PPP3CA: variants seen among roughly 807,000 people sequenced by gnomAD.
PPP3CA encodes protein phosphatase 3 catalytic subunit alpha, also known as CAM-PRP catalytic subunit.
A neutral mutation model predicts 66.5 loss-of-function variants in PPP3CA; 14 were observed. The observed-to-expected ratio is 0.21, with a 90% confidence interval of 0.14 to 0.33. The LOEUF is 0.33. PPP3CA is among the 10% of genes least tolerant of loss of function. The pLI, the probability that PPP3CA is intolerant of heterozygous loss-of-function variation, is 1.00. For missense variants in PPP3CA, 317 were observed against 639.5 expected, an observed-to-expected ratio of 0.50 and a Z score of 5.44; for synonymous variants, 232 against 226.2, an observed-to-expected ratio of 1.03 and a Z score of -0.23.
At chr4:101,339,728 G>A (rs1383982851) in intron 1 of PPP3CA, among the ~76,000 whole-genome samples, 1 of 152,154 alleles carries the variant, frequency 6.6e-6, no homozygotes, top group Non-Finnish European at 1.5e-5. Flanking sequence ...TAATAAGCAA[G>A]GCATTGAGCT....
intron 3 of PPP3CA, among the ~76,000 whole-genome samples, chr4:101,108,515 C>T (rs1331756456): frequency 6.6e-6 from 1 of 152,138 alleles, no homozygotes; most frequent in Non-Finnish European, 1.5e-5. Context: ...CCTGTAATCC[C>T]AACACTTTGG....
chr4:101,230,933 C>T (rs1195918700), intron 1 of PPP3CA, among the ~76,000 whole-genome samples: 2 of 151,700 alleles, frequency 1.3e-5, no homozygotes, highest in East Asian at 3.9e-4. Context: ...TTTCCCTCCT[C>T]ATCTAGGAAA....
intron 10 of PPP3CA, among the ~76,000 whole-genome samples, chr4:101,055,711 A>C (rs924366606): frequency 3.3e-5 from 5 of 152,070 alleles, no homozygotes; most frequent in Non-Finnish European, 5.9e-5. Flanking sequence ...GATACACCTA[A>C]ATTTTTTACA....
At chr4:101,247,554 G>T (rs1289595897) in intron 1 of PPP3CA, among the ~76,000 whole-genome samples, 1 of 152,070 alleles carries the variant, frequency 6.6e-6, no homozygotes, top group African/African-American at 2.4e-5. Flanking sequence ...AACACAGTAT[G>T]AGCATCATTT....
intron 1 of PPP3CA, among the ~76,000 whole-genome samples, chr4:101,268,732 T>A (rs1727243674): frequency 6.6e-6 from 1 of 152,132 alleles, no homozygotes; most frequent in African/African-American, 2.4e-5. Flanking sequence ...TAGTCATATA[T>A]ACAAGTAACA....
intron 2 of PPP3CA, among the ~76,000 whole-genome samples, chr4:101,149,154 A>C (rs1274020484): frequency 6.6e-6 from 1 of 152,172 alleles, no homozygotes; most frequent in African/African-American, 2.4e-5. Context: ...AACTCTAAAG[A>C]AGTTGCTTAT....
intron 1 of PPP3CA, among the ~76,000 whole-genome samples, chr4:101,218,837 C>A (rs1196722022): frequency 6.6e-6 from 1 of 151,964 alleles, no homozygotes; most frequent in Non-Finnish European, 1.5e-5. Context: ...TACAGAAATA[C>A]ACATTTTCAA....
chr4:101,238,192 T>C (rs1560674432), intron 1 of PPP3CA, among the ~76,000 whole-genome samples: 1 of 152,036 alleles, frequency 6.6e-6, no homozygotes. Context: ...AAGACAACAG[T>C]AAAATTGATT....
chr4:101,299,338 T>G (rs1361506197), intron 1 of PPP3CA, among the ~76,000 whole-genome samples: 1 of 151,638 alleles, frequency 6.6e-6, no homozygotes, highest in African/African-American at 2.4e-5. Context: ...GAAAAAACAC[T>G]GAAGACTTAG....
intron 1 of PPP3CA, among the ~76,000 whole-genome samples, chr4:101,217,650 G>T (rs999256280): frequency 6.6e-6 from 1 of 152,050 alleles, no homozygotes; most frequent in Non-Finnish European, 1.5e-5. Context: ...TCTTCAAATC[G>T]CTTTGCGTTT....
rs55925064 is a variant in PPP3CA, at chr4:101,204,635, CAAAAAAAAA to C, written c.59-8528_59-8520del. Among the ~76,000 whole-genome samples, 155 of 107,794 alleles carry C rather than the reference CAAAAAAAAA, an allele frequency of 1.4e-3. 1 individual carries two copies. The highest frequency in any genetic ancestry group is 1.9e-3 in the African/African-American group (45 of 23,984). The allele number at this position is 107,794 out of a possible 152,430, so 70.7% of individuals were successfully genotyped here. On this transcript the variant is annotated intron_variant, in intron 1 of 13. Coordinates refer to ENST00000394854, the MANE Select transcript of PPP3CA (RefSeq NM_000944.5). ...TGGGCGACAGAGCAGGACTCCATCT[CAAAAAAAAA>C]AAAAAAAAAAAAAAAGTTATACACA...
At chr4:101,135,122 G>A (rs1406029118) in intron 2 of PPP3CA, among the ~76,000 whole-genome samples, 4 of 151,970 alleles carry the variant, frequency 2.6e-5, no homozygotes, top group Non-Finnish European at 5.9e-5. Flanking sequence ...TAATGTACAT[G>A]ATGGGCTAAT....
intron 6 of PPP3CA, among the ~76,000 whole-genome samples, chr4:101,085,524 C>T (rs1385915952): frequency 2.6e-5 from 4 of 152,142 alleles, no homozygotes; most frequent in Non-Finnish European, 5.9e-5. Context: ...GCTAGGTTAA[C>T]AGCATTAAGT....
chr4:101,171,269 C>T, intron 2 of PPP3CA: 1 of 455,142 alleles, frequency 2.2e-6, no homozygotes, highest in Non-Finnish European at 4.4e-6. Flanking sequence ...ATAACAATCT[C>T]CCACAATAGG....
At chr4:101,130,163 C>G (rs1345190679) in intron 2 of PPP3CA, among the ~76,000 whole-genome samples, 1 of 151,794 alleles carries the variant, frequency 6.6e-6, no homozygotes, top group Non-Finnish European at 1.5e-5. Context: ...GATAGAAGAT[C>G]ACCTTAATGA....
chr4:101,279,654 G>T (rs1727618549), intron 1 of PPP3CA, among the ~76,000 whole-genome samples: 1 of 152,166 alleles, frequency 6.6e-6, no homozygotes, highest in Non-Finnish European at 1.5e-5. Flanking sequence ...CAGCCTGATT[G>T]AAACCAGCTG....
chr4:101,125,945 T>C (rs1722231131), intron 2 of PPP3CA, among the ~76,000 whole-genome samples: 1 of 152,236 alleles, frequency 6.6e-6, no homozygotes, highest in Non-Finnish European at 1.5e-5. Context: ...TGGAACTTGC[T>C]TTCTTTTCAT....
chr4:101,333,977 A>T (rs970754021), intron 1 of PPP3CA, among the ~76,000 whole-genome samples: 2 of 152,214 alleles, frequency 1.3e-5, no homozygotes, highest in Non-Finnish European at 2.9e-5. Flanking sequence ...AGTGGGCACT[A>T]AAAGTCTGAC....
At chr4:101,033,587 T>C (rs1356597979) in intron 11 of PPP3CA, among the ~76,000 whole-genome samples, 2 of 152,224 alleles carry the variant, frequency 1.3e-5, no homozygotes, top group Non-Finnish European at 2.9e-5. Flanking sequence ...AGTTTAACCA[T>C]TCTCACAAGG....
Sources: allele counts gnomAD v4.1 joint callset (sites outside exome capture counted in the v4.1 genomes callset), GRCh38; gene constraint gnomAD v4.1.1; transcripts MANE v1.5; gene names NCBI Gene and HGNC (gene_info 2026-07-23, HGNC 2026-07-21).